Variants in ST8SIA1 observed in about 807,000 individuals in gnomAD.
ST8SIA1 encodes the protein alpha-N-acetylneuraminide alpha-2,8-sialyltransferase.
Under a neutral mutation model 35.9 loss-of-function variants are expected in ST8SIA1, and 16 were observed. That is an observed-to-expected ratio of 0.45 (90% confidence interval 0.30 to 0.68). The LOEUF is 0.68. ST8SIA1 is among the 30% of genes least tolerant of loss of function. ST8SIA1 has a pLI of 0.09. For missense variants in ST8SIA1, 383 were observed against 453.6 expected, an observed-to-expected ratio of 0.84 and a Z score of 1.41; for synonymous variants, 170 against 169.6, an observed-to-expected ratio of 1.00 and a Z score of -0.02.
chr12:22,230,039 C>G (rs1422888186), intron 4 of ST8SIA1, among the ~76,000 whole-genome samples: 1 of 152,220 alleles, frequency 6.6e-6, no homozygotes, highest in Non-Finnish European at 1.5e-5. Flanking sequence ...CCGGTAACCA[C>G]TAGTTTCATT....
intron 4 of ST8SIA1, among the ~76,000 whole-genome samples, chr12:22,224,154 G>A (rs1448427349): frequency 6.6e-6 from 1 of 152,022 alleles, no homozygotes; most frequent in Non-Finnish European, 1.5e-5. Context: ...CAGCTCTAAT[G>A]TGAGTATATT....
intron 1 of ST8SIA1, among the ~76,000 whole-genome samples, chr12:22,332,567 A>G (rs2135850740): frequency 6.6e-6 from 1 of 152,304 alleles, no homozygotes; most frequent in South Asian, 2.1e-4. Context: ...CAATACTGTG[A>G]AGGAAAGAAA....
intron 4 of ST8SIA1, among the ~76,000 whole-genome samples, chr12:22,219,310 T>C (rs1865270360): frequency 6.6e-6 from 1 of 152,226 alleles, no homozygotes; most frequent in African/African-American, 2.4e-5. Flanking sequence ...TCTCTTTGAT[T>C]ATCCTTCAAT....
At chr12:22,265,753 C>T (rs971489534) in intron 2 of ST8SIA1, among the ~76,000 whole-genome samples, 1 of 152,160 alleles carries the variant, frequency 6.6e-6, no homozygotes, top group Non-Finnish European at 1.5e-5. Context: ...TTCTTCTCCT[C>T]TTTCCACTCT....
At chr12:22,227,061 T>G (rs1386843301) in intron 4 of ST8SIA1, among the ~76,000 whole-genome samples, 3 of 152,094 alleles carry the variant, frequency 2.0e-5, no homozygotes, top group African/African-American at 4.8e-5. Context: ...TTCTCCTGTC[T>G]CGGCCTCCCA....
chr12:22,334,162 G>C lies in ST8SIA1; in HGVS notation c.71C>G (p.Pro24Arg). The C allele has an allele frequency of 6.2e-7, 1 of 1,614,086 alleles. No individual in the cohort carries two copies. Among genetic ancestry groups the C allele is most frequent in the African/African-American group, 1.3e-5 (1 of 75,048 alleles). ...GAMAVLAWKF[P>R]RTRLPMGASA... Reference sequence around the variant, plus strand: ...GGCTCCCATGGGCAGCCGGGTCCGCGGGAACTTCCACGCCAGTACAGCCAT... The same window carrying C: ...GGCTCCCATGGGCAGCCGGGTCCGCCGGAACTTCCACGCCAGTACAGCCAT... The change falls in exon 1 of 5, where the codon CCG becomes CGG. Residue 24 changes from proline (P) to arginine (R), a missense_variant. Transcript: ENST00000396037.
In ST8SIA1 at chr12:22,274,938, C is replaced by G. The variant is rs148837295; in HGVS notation, c.381+12211G>C. Among the ~76,000 whole-genome samples the G allele has an allele frequency of 2.2e-3, 341 of 152,252 alleles. 2 individuals are homozygous for G. Among genetic ancestry groups the G allele is most frequent in the African/African-American group, 8.0e-3 (334 of 41,532 alleles). On this transcript the variant is annotated intron_variant, in intron 2 of 4. Transcript: ENST00000396037. Reference sequence around the variant, plus strand: ...AGCATGTGAGCCAGTAACTGTTATTCAATAACAATGTTGACAATTCAGTTA... The same window carrying G: ...AGCATGTGAGCCAGTAACTGTTATTGAATAACAATGTTGACAATTCAGTTA...
chr12:22,244,836 G>A (rs1454735484), intron 4 of ST8SIA1, among the ~76,000 whole-genome samples: 1 of 152,044 alleles, frequency 6.6e-6, no homozygotes, highest in Non-Finnish European at 1.5e-5. Flanking sequence ...TTTCCCATGT[G>A]TAATCTAATT....
At chr12:22,318,787 T>C (rs1866549375) in intron 1 of ST8SIA1, among the ~76,000 whole-genome samples, 2 of 152,222 alleles carry the variant, frequency 1.3e-5, no homozygotes, top group Non-Finnish European at 2.9e-5. Flanking sequence ...TCCTTTGCAG[T>C]AAGACACTGC....
intron 4 of ST8SIA1, among the ~76,000 whole-genome samples, chr12:22,244,436 A>G (rs886275900): frequency 1.3e-5 from 2 of 152,020 alleles, no homozygotes; most frequent in Non-Finnish European, 2.9e-5. Context: ...GTCCCTAGCC[A>G]TATTGTTAGT....
intron 4 of ST8SIA1, among the ~76,000 whole-genome samples, chr12:22,245,946 G>A (rs1865596305): frequency 6.6e-6 from 1 of 152,140 alleles, no homozygotes; most frequent in Admixed American, 6.5e-5. Context: ...GCCCAGGGAG[G>A]GCATGGAAGC....
intron 4 of ST8SIA1, among the ~76,000 whole-genome samples, chr12:22,214,171 G>A (rs988923166): frequency 2.6e-5 from 4 of 152,084 alleles, no homozygotes; most frequent in Non-Finnish European, 5.9e-5. Flanking sequence ...AGACAGAGCT[G>A]CAGCAAAGAG....
rs146129492 is a variant in ST8SIA1, at chr12:22,274,688, G to A, written c.381+12461C>T. ...TGACTGTCCACACACCATCACACAC[G>A]CCACGCTCTATCGTGAGCATCCAGG... On this transcript the variant is annotated intron_variant, in intron 2 of 4. Coordinates refer to ENST00000396037, the MANE Select transcript of ST8SIA1 (RefSeq NM_003034.4). Among the ~76,000 whole-genome samples the A allele has an allele frequency of 3.3e-3, 500 of 152,242 alleles. 4 individuals carry two copies. Among genetic ancestry groups the A allele is most frequent in the African/African-American group, 0.012 (480 of 41,546 alleles).
At chr12:22,213,399 G>A (rs1865196674) in intron 4 of ST8SIA1, among the ~76,000 whole-genome samples, 1 of 152,178 alleles carries the variant, frequency 6.6e-6, no homozygotes, top group Non-Finnish European at 1.5e-5. Flanking sequence ...ACTTACAAAT[G>A]CAAGCTTTTA....
At chr12:22,291,661 C>G (rs894838702) in intron 1 of ST8SIA1, among the ~76,000 whole-genome samples, 5 of 152,150 alleles carry the variant, frequency 3.3e-5, no homozygotes, top group African/African-American at 1.2e-4. Context: ...AGTATGCAAT[C>G]TAAAATTCTT....
rs1866811985 is a variant in ST8SIA1, at chr12:22,334,109, A to G, written c.124T>C (p.Trp42Arg). ...CGGTAGACGGGGAAGATGTAGAGCC[A>G]ACAGAGGACCACGACACAGAGGGCA... ...ASALCVVVLCWLYIFPVYRLP... is the reference protein window; with the variant it reads ...ASALCVVVLCRLYIFPVYRLP... Residue 42 changes from tryptophan to arginine, a missense_variant, in exon 1 of 5, where the codon TGG (tryptophan) becomes CGG (arginine). Coordinates refer to ENST00000396037, the MANE Select transcript of ST8SIA1 (RefSeq NM_003034.4). 1 of 1,614,024 alleles carries G rather than the reference A, an allele frequency of 6.2e-7. No individual in the cohort carries two copies.
At chr12:22,303,690 T>C (rs1351417162) in intron 1 of ST8SIA1, among the ~76,000 whole-genome samples, 1 of 152,202 alleles carries the variant, frequency 6.6e-6, no homozygotes, top group African/African-American at 2.4e-5. Flanking sequence ...TTGTTGTTTT[T>C]GTTGTTTGTT....
chr12:22,230,856 G>A (rs1022366115), intron 4 of ST8SIA1, among the ~76,000 whole-genome samples: 1 of 151,948 alleles, frequency 6.6e-6, no homozygotes. Flanking sequence ...TTGGGGAGGG[G>A]GTAATGGAAA....
Position 22,334,078 on chromosome 12 carries a change from G to C in ST8SIA1, c.155C>G (p.Pro52Arg). 6.2e-7 allele frequency: 1 copy of C among 1,614,138 alleles called. No homozygotes were observed. The highest frequency in any genetic ancestry group is 8.5e-7 in the Non-Finnish European group (1 of 1,180,030). ...CCCCTGCACGATCTCTTTCTCGTTG[G>C]GCAGCCGGTAGACGGGGAAGATGTA... The part of the protein sequence containing the change: ...WLYIFPVYRL[P>R]NEKEIVQGVL... The change falls in exon 1 of 5, where the codon CCC (proline) becomes CGC (arginine). Residue 52 changes from proline to arginine, a missense_variant. Pro to Arg is a moderately radical substitution (Grantham distance 103, BLOSUM62 -2). Transcript: ENST00000396037.
Sources: gnomAD v4.1 joint callset for allele counts (sites outside exome capture counted in the v4.1 genomes callset) on GRCh38, gnomAD v4.1.1 for gene constraint, MANE v1.5 for transcripts, NCBI Gene and HGNC (gene_info 2026-07-23, HGNC 2026-07-21) for gene names.